The following TBC1D16 variants were observed in gnomAD, a reference collection of about 807,000 sequenced individuals.
TBC1D16 encodes the protein CTD-2529O21.1.
TBC1D16 carries 58 observed loss-of-function variants against 74.7 expected under a neutral mutation model. That is an observed-to-expected ratio of 0.78 (90% CI 0.63 to 0.97). The LOEUF (loss-of-function observed/expected upper bound fraction) is 0.97, where lower values mean the gene tolerates loss of function less well. Among genes scored for constraint, TBC1D16 ranks in the 50% least tolerant of loss-of-function variants. The pLI, the probability that TBC1D16 is intolerant of heterozygous loss-of-function variation, is 0.00. For synonymous variants in TBC1D16, 493 were observed against 474.7 expected, an observed-to-expected ratio of 1.04 and a Z score of -0.50; for missense variants, 1,014 against 1,079.5, an observed-to-expected ratio of 0.94 and a Z score of 0.85.
chr17:80,009,597 G>T lies in TBC1D16; in HGVS notation c.779+563C>A, dbSNP rs897155631. On this transcript the variant is annotated intron_variant, in intron 3 of 11. Transcript: ENST00000310924. This position sits in a 1 kb window ranked among gnomAD's most constrained non-coding sequence, Gnocchi z 5.4. ...GGTGAATATGGTCAACACTGCCCCGGGACTACATCCATCCTCCACAGCTAT... is the reference window on the plus strand; with the variant it reads ...GGTGAATATGGTCAACACTGCCCCGTGACTACATCCATCCTCCACAGCTAT... 3.3e-5 allele frequency among the ~76,000 whole-genome samples: 5 copies of T among 152,194 alleles called. No homozygotes were observed. The highest frequency in any genetic ancestry group is 7.4e-5 in the Non-Finnish European group (5 of 68,020).
At chr17:79,984,180 C>T (rs1303444589) in intron 3 of TBC1D16, among the ~76,000 whole-genome samples, 8 of 152,182 alleles carry the variant, frequency 5.3e-5, no homozygotes, top group Admixed American at 2.6e-4. Context: ...TGCCAGCACG[C>T]CCAGCCAATT....
intron 3 of TBC1D16, among the ~76,000 whole-genome samples, chr17:79,963,415 T>C (rs1046536214): frequency 2.2e-4 from 33 of 152,150 alleles, no homozygotes; most frequent in Admixed American, 1.1e-3. Context: ...GTAGCGTGGG[T>C]CAGAATTTCC....
chr17:79,951,759 G>A (rs558339386), intron 4 of TBC1D16, among the ~76,000 whole-genome samples, 162 bp from the exon 5 acceptor site: 23 of 152,266 alleles, frequency 1.5e-4, no homozygotes, highest in Non-Finnish European at 2.9e-4. Context: ...GAACTACACC[G>A]AACAAAAACC....
In TBC1D16 at chr17:80,001,824, C is replaced by T. The variant is rs1264335090; in HGVS notation, c.779+8336G>A. 1.3e-5 allele frequency among the ~76,000 whole-genome samples: 2 copies of T among 151,590 alleles called. No individual in the cohort carries two copies. Among genetic ancestry groups the T allele is most frequent in the African/African-American group, 2.4e-5 (1 of 41,212 alleles). On this transcript the variant is annotated intron_variant, in intron 3 of 11. Coordinates refer to ENST00000310924, the MANE Select transcript of TBC1D16 (RefSeq NM_019020.4). This position sits in a 1 kb window ranked among gnomAD's most constrained non-coding sequence, Gnocchi z 5.8. ...TTCCCTGCTGTCTCTTGCCCTGGAC[C>T]CTCTCACATGCCCTTCCCTCCACCC... is the stretch of plus-strand genomic sequence containing the variant.
At chr17:79,945,809 G>A (rs2032483114) in intron 9 of TBC1D16, among the ~76,000 whole-genome samples, 1 of 152,272 alleles carries the variant, frequency 6.6e-6, no homozygotes, top group South Asian at 2.1e-4. Flanking sequence ...GATGCAGAGT[G>A]AGCAGGCTTG....
At chr17:80,011,590 G>A (rs965865118) in intron 2 of TBC1D16, among the ~76,000 whole-genome samples, 2 of 152,186 alleles carry the variant, frequency 1.3e-5, no homozygotes, top group African/African-American at 4.8e-5. Context: ...ACTTTGGGAG[G>A]CCAAGGCGGG....
At chr17:79,964,950 AT>A (rs2033777597) in intron 3 of TBC1D16, among the ~76,000 whole-genome samples, 1 of 152,200 alleles carries the variant, frequency 6.6e-6, no homozygotes. Flanking sequence ...GAAGTAGAAA[AT>A]AATACTAAAA....
chr17:79,983,210 C>A lies in TBC1D16; in HGVS notation c.779+26950G>T, dbSNP rs1217578633. Among the ~76,000 whole-genome samples the A allele has an allele frequency of 6.6e-6, 1 of 152,198 alleles. No individual in the cohort carries two copies. Among genetic ancestry groups the A allele is most frequent in the Non-Finnish European group, 1.5e-5 (1 of 68,046 alleles). On this transcript the variant is annotated intron_variant, in intron 3 of 11. Coordinates refer to ENST00000310924, the MANE Select transcript of TBC1D16 (RefSeq NM_019020.4). This position sits in a 1 kb window ranked among gnomAD's most constrained non-coding sequence, Gnocchi z 5.6. ...CCCAGTGGCGGTTCAGAAGACGTGG[C>A]AGCGCGGGAGGGGTTTATGGCAGGG...
Position 79,935,928 on chromosome 17 carries a change from C to T in TBC1D16, c.*4931G>A, listed in dbSNP as rs941086446. On this transcript the variant is annotated 3_prime_UTR_variant, in exon 12 of 12. Transcript: ENST00000310924. ...TTGCATGACTTGACCTCTCTTTGAA[C>T]TTGAAATGCTACCTTCCTACCCGGA... The T allele has an allele frequency of 1.2e-4, 18 of 152,198 alleles. No individual in the cohort carries two copies. The highest frequency in any genetic ancestry group is 4.3e-4 in the African/African-American group (18 of 41,444). The allele number at this position is 152,198 out of a possible 1,614,324, so 9.4% of individuals were successfully genotyped here. A position where few individuals can be genotyped will look rare whatever the true frequency, so the allele number is the denominator to read the frequency against.
chr17:79,975,425 C>T lies in TBC1D16; in HGVS notation c.780-22607G>A, dbSNP rs961442470. Among the ~76,000 whole-genome samples, 4 of 152,220 alleles carry T rather than the reference C, an allele frequency of 2.6e-5. No homozygotes were observed. The highest frequency in any genetic ancestry group is 2.0e-4 in the Admixed American group (3 of 15,286). ...GAACCCTTGCCTCCTACATGGCCTA[C>T]TTAAAAGGCTGCTGAGAGCCAGCCA... On this transcript the variant is annotated intron_variant, in intron 3 of 11. Coordinates refer to ENST00000310924, the MANE Select transcript of TBC1D16 (RefSeq NM_019020.4). This position sits in a 1 kb window ranked among gnomAD's most constrained non-coding sequence, Gnocchi z 4.5.
At chr17:80,025,374 C>T (rs1433481401) in intron 1 of TBC1D16, among the ~76,000 whole-genome samples, 1 of 150,136 alleles carries the variant, frequency 6.7e-6, no homozygotes, top group Non-Finnish European at 1.5e-5. Context: ...CCCTACCCAG[C>T]CCCCATGCTG....
Position 79,986,804 on chromosome 17 carries a change from G to A in TBC1D16, c.779+23356C>T, listed in dbSNP as rs570033041. On this transcript the variant is annotated intron_variant, in intron 3 of 11. Transcript: ENST00000310924. The surrounding 1 kb of genome is among the most constrained non-coding windows in gnomAD (Gnocchi z 6.0). ...GCCCGCAGCGGGAGATGACACCTCCGATCAGGTCCACGGGAAGATGGGGGT... is the reference window on the plus strand; with the variant it reads ...GCCCGCAGCGGGAGATGACACCTCCAATCAGGTCCACGGGAAGATGGGGGT... 1.1e-3 allele frequency among the ~76,000 whole-genome samples: 171 copies of A among 152,290 alleles called. 4 individuals are homozygous for A. The highest frequency in any genetic ancestry group is 7.0e-3 in the East Asian group (36 of 5,176).
chr17:79,963,018 C>G (rs1444084913), intron 3 of TBC1D16, among the ~76,000 whole-genome samples: 1 of 150,860 alleles, frequency 6.6e-6, no homozygotes. Flanking sequence ...CCATTGCACT[C>G]CAGCCTGGGC....
rs2034887291 is a variant in TBC1D16, at chr17:79,987,475, G to A, written c.779+22685C>T. On this transcript the variant is annotated intron_variant, in intron 3 of 11. Coordinates refer to ENST00000310924, the MANE Select transcript of TBC1D16 (RefSeq NM_019020.4). This position sits in a 1 kb window ranked among gnomAD's most constrained non-coding sequence, Gnocchi z 5.2. ...TTGTCCAGGCTGATCTTGAACTCCT[G>A]GGCTCAAGCGCTCCTCCTGCCTCGG... is the stretch of plus-strand genomic sequence containing the variant. Among the ~76,000 whole-genome samples, 1 of 152,020 alleles carries A rather than the reference G, an allele frequency of 6.6e-6. No homozygotes were observed. The highest frequency in any genetic ancestry group is 2.4e-5 in the African/African-American group (1 of 41,376).
Position 79,979,307 on chromosome 17 carries a change from C to T in TBC1D16, c.780-26489G>A, listed in dbSNP as rs919235196. On this transcript the variant is annotated intron_variant, in intron 3 of 11. Transcript: ENST00000310924. This position sits in a 1 kb window ranked among gnomAD's most constrained non-coding sequence, Gnocchi z 4.8. ...CGCGCTCCGGGGACGCACACCCACG[C>T]CCAGAGCACACACGCTCCAGGGATG... 2.0e-5 allele frequency among the ~76,000 whole-genome samples: 3 copies of T among 151,802 alleles called. No individual in the cohort carries two copies. Among genetic ancestry groups the T allele is most frequent in the Middle Eastern group, 3.4e-3 (1 of 292 alleles).
intron 3 of TBC1D16, among the ~76,000 whole-genome samples, chr17:79,982,852 C>G (rs927536935): frequency 6.6e-6 from 1 of 152,128 alleles, no homozygotes; most frequent in Non-Finnish European, 1.5e-5. Context: ...GAGCAAGACT[C>G]TGTCTCAAAA....
intron 1 of TBC1D16, among the ~76,000 whole-genome samples, chr17:80,021,792 AC>A (rs1436739915): frequency 6.7e-6 from 1 of 149,660 alleles, no homozygotes; most frequent in Non-Finnish European, 1.5e-5. Flanking sequence ...ACCACACTCT[AC>A]ACACACACCA....
rs1026518640 is a variant in TBC1D16 at position 79,954,152 on chromosome 17, C to T, written c.780-1334G>A. Among the ~76,000 whole-genome samples, 8 of 152,190 alleles carry T rather than the reference C, an allele frequency of 5.3e-5. No individual in the cohort carries two copies. The highest frequency in any genetic ancestry group is 1.9e-4 in the African/African-American group (8 of 41,440). On this transcript the variant is annotated intron_variant, in intron 3 of 11. Coordinates refer to ENST00000310924, the MANE Select transcript of TBC1D16 (RefSeq NM_019020.4). The surrounding 1 kb of genome is among the most constrained non-coding windows in gnomAD (Gnocchi z 5.5). The stretch of plus-strand genomic sequence containing the variant: ...AAGACTCAGCTCTGGACCCCAACTG[C>T]AGCACCCCACAGAGACTCAGCCGCA...
chr17:79,943,198 G>T (rs997336166), intron 10 of TBC1D16, among the ~76,000 whole-genome samples: 3 of 152,318 alleles, frequency 2.0e-5, no homozygotes, highest in African/African-American at 4.8e-5. Context: ...CAGGCTGCCC[G>T]GCTGCTTCCT....
Sources: allele counts gnomAD v4.1 joint callset (sites outside exome capture counted in the v4.1 genomes callset), GRCh38; gene constraint gnomAD v4.1.1; non-coding constraint Gnocchi (gnomAD v3.1); transcripts MANE v1.5; gene names NCBI Gene and HGNC (gene_info 2026-07-23, HGNC 2026-07-21).